The following KCTD1 variants were observed in gnomAD, a reference collection of about 807,000 sequenced individuals.
The protein encoded by KCTD1 is potassium channel tetramerization domain containing 1.
Under a neutral mutation model 66.0 loss-of-function variants are expected in KCTD1, and 24 were observed. The observed-to-expected ratio is 0.36, with a 90% confidence interval of 0.26 to 0.51. KCTD1 has a LOEUF of 0.51. Ranked by LOEUF, KCTD1 falls within the 20% of genes least tolerant of loss-of-function variation. The pLI, the probability that KCTD1 is intolerant of heterozygous loss-of-function variation, is 0.95. For missense variants in KCTD1, 943 were observed against 1,205.2 expected, an observed-to-expected ratio of 0.78 and a Z score of 3.22; for synonymous variants, 511 against 517.2, an observed-to-expected ratio of 0.99 and a Z score of 0.16.
At chr18:26,552,839 TTC>T (rs1454449584), upstream of KCTD1, among the ~76,000 whole-genome samples, 2 of 152,292 alleles carry the variant, frequency 1.3e-5, no homozygotes, top group East Asian at 3.9e-4. Context: ...AAGCATTTAG[TTC>T]ATCATTTTAA....
At chr18:26,552,692 G>T (rs1297354312), upstream of KCTD1, among the ~76,000 whole-genome samples, 1 of 152,190 alleles carries the variant, frequency 6.6e-6, no homozygotes, top group Non-Finnish European at 1.5e-5. Flanking sequence ...CCCTTTTCTT[G>T]CAGTAGAGTT....
intron 1 of KCTD1, among the ~76,000 whole-genome samples, chr18:26,586,558 T>A (rs1257603848): frequency 6.6e-6 from 1 of 152,158 alleles, no homozygotes; most frequent in African/African-American, 2.4e-5. Context: ...TGATGAAGCT[T>A]AGTGAGGAAG....
intron 1 of KCTD1, among the ~76,000 whole-genome samples, chr18:26,515,337 G>T (rs971775758): frequency 9.2e-5 from 14 of 152,102 alleles, no homozygotes; most frequent in African/African-American, 3.4e-4. Flanking sequence ...GGAACACACG[G>T]AGGCAGCAAT....
intron 1 of KCTD1, among the ~76,000 whole-genome samples, chr18:26,532,503 A>G (rs1984498101): frequency 6.6e-6 from 1 of 151,984 alleles, no homozygotes; most frequent in South Asian, 2.1e-4. Flanking sequence ...GCCTCAAGCA[A>G]TCTTCTAGCC....
chr18:26,629,294 G>T, upstream of KCTD1: 1 of 701,234 alleles, frequency 1.4e-6, no homozygotes, highest in Non-Finnish European at 1.8e-6. Context: ...CCTCTGCCCT[G>T]CAAGCTAACC....
At chr18:26,545,180 G>A (rs1240697324) in intron 1 of KCTD1, 3 of 152,148 alleles carry the variant, frequency 2.0e-5, no homozygotes, top group East Asian at 1.9e-4. Context: ...GGCCATGCAC[G>A]CCTTAATAAA....
At chr18:26,572,873 G>A (rs902600862) in intron 1 of KCTD1, among the ~76,000 whole-genome samples, 1 of 152,146 alleles carries the variant, frequency 6.6e-6, no homozygotes, top group African/African-American at 2.4e-5. Flanking sequence ...AAAAACCCAA[G>A]TAAACAAAGG....
At chr18:26,555,614 G>A (rs1985688611) in intron 1 of KCTD1, among the ~76,000 whole-genome samples, 1 of 152,152 alleles carries the variant, frequency 6.6e-6, no homozygotes, top group Admixed American at 6.5e-5. Flanking sequence ...CAGGCCACTT[G>A]GACAAATGAA....
chr18:26,535,393 C>T (rs549222815), intron 1 of KCTD1, among the ~76,000 whole-genome samples: 5 of 152,118 alleles, frequency 3.3e-5, no homozygotes, highest in South Asian at 4.1e-4. Context: ...TCCCAGCGAG[C>T]GTCAGACCCC....
chr18:26,614,117 T>C (rs1434699656), intron 1 of KCTD1, among the ~76,000 whole-genome samples: 2 of 152,240 alleles, frequency 1.3e-5, no homozygotes, highest in Admixed American at 6.5e-5. Context: ...AACACACATG[T>C]GTTTATTTAT....
intron 1 of KCTD1, among the ~76,000 whole-genome samples, chr18:26,561,818 T>C (rs747084352): frequency 1.3e-5 from 2 of 152,110 alleles, no homozygotes; most frequent in East Asian, 3.9e-4. Context: ...GTCAGAGTAG[T>C]CAGTAGTTAG....
At chr18:26,606,454 G>A (rs972032011) in intron 1 of KCTD1, among the ~76,000 whole-genome samples, 2 of 152,182 alleles carry the variant, frequency 1.3e-5, no homozygotes, top group Non-Finnish European at 2.9e-5. Context: ...CAAGAGATGG[G>A]TCCACTACCC....
intron 1 of KCTD1, among the ~76,000 whole-genome samples, chr18:26,512,221 A>C (rs1598908157): frequency 6.6e-6 from 1 of 152,022 alleles, no homozygotes; most frequent in Non-Finnish European, 1.5e-5. Context: ...CTCTTGCCTC[A>C]GCCTCCCGAG....
At chr18:26,577,735 GTTTGTTTT>G (rs1156322174) in intron 1 of KCTD1, among the ~76,000 whole-genome samples, 4 of 151,418 alleles carry the variant, frequency 2.6e-5, no homozygotes, top group African/African-American at 7.3e-5. Flanking sequence ...GTTTTTTTTT[GTTTGTTTT>G]TTTGTTTTTT....
At chr18:26,586,059 G>C (rs535592431) in intron 1 of KCTD1, among the ~76,000 whole-genome samples, 1 of 152,044 alleles carries the variant, frequency 6.6e-6, no homozygotes, top group Non-Finnish European at 1.5e-5. Flanking sequence ...AAAACAAGCA[G>C]TCTCTTCAAT....
intron 1 of KCTD1, among the ~76,000 whole-genome samples, chr18:26,649,866 T>G (rs1244940020): frequency 6.6e-6 from 1 of 152,156 alleles, no homozygotes; most frequent in Non-Finnish European, 1.5e-5. Context: ...CCAGAGGCGA[T>G]TCCAAGTTTA....
At chr18:26,463,147 A>T (rs1021215738) in intron 3 of KCTD1, among the ~76,000 whole-genome samples, 15 of 152,154 alleles carry the variant, frequency 9.9e-5, no homozygotes, top group African/African-American at 3.6e-4. Context: ...TGTCCATTTT[A>T]TCTTCTCTGA....
intron 2 of KCTD1, among the ~76,000 whole-genome samples, chr18:26,492,881 TA>T (rs762921222): frequency 2.6e-5 from 4 of 152,176 alleles, no homozygotes; most frequent in Non-Finnish European, 5.9e-5. Flanking sequence ...CGTCCCTACC[TA>T]TAAGGTTATA....
intron 1 of KCTD1, among the ~76,000 whole-genome samples, chr18:26,580,581 G>C (rs1172740683): frequency 6.6e-6 from 1 of 152,104 alleles, no homozygotes; most frequent in Non-Finnish European, 1.5e-5. Flanking sequence ...TGGCAATGAA[G>C]TTCCCATTGT....
Sources: gnomAD v4.1 joint callset for allele counts (sites outside exome capture counted in the v4.1 genomes callset) on GRCh38, gnomAD v4.1.1 for gene constraint, MANE v1.5 for transcripts, NCBI Gene and HGNC (gene_info 2026-07-23, HGNC 2026-07-21) for gene names.